The following VPS13A variants were observed in gnomAD, a reference collection of about 807,000 sequenced individuals.
VPS13A encodes the protein vacuolar protein sorting 13 homolog A.
VPS13A carries 264 observed loss-of-function variants against 390.9 expected under a neutral mutation model. The ratio of observed to expected loss-of-function variants is 0.68; its 90% CI spans 0.61 to 0.75. The LOEUF (loss-of-function observed/expected upper bound fraction) is 0.75, where lower values mean the gene tolerates loss of function less well. Among genes scored for constraint, VPS13A ranks in the 30% least tolerant of loss-of-function variants. The pLI is 0.00. For synonymous variants in VPS13A, 1,231 were observed against 1,227.1 expected (o/e 1.00, Z -0.07); for missense variants, 3,409 against 3,733.9 (o/e 0.91, Z 2.27).
At chr9:77,331,155 G>A (rs1386143292) in intron 45 of VPS13A, among the ~76,000 whole-genome samples, 1 of 151,838 alleles carries the variant, frequency 6.6e-6, no homozygotes, top group Admixed American at 6.6e-5. Flanking sequence ...AATGAAAGTG[G>A]TGTGGTGAAC....
Position 77,418,395 on chromosome 9 carries a change from A to G in VPS13A, c.*2389A>G, listed in dbSNP as rs1043966516. 2 of 152,052 alleles carry G rather than the reference A, an allele frequency of 1.3e-5. No individual in the cohort carries two copies. The highest frequency in any genetic ancestry group is 2.4e-5 in the African/African-American group (1 of 41,392). The allele number at this position is 152,052 out of a possible 1,614,324, so 9.4% of individuals were successfully genotyped here. A position where few individuals can be genotyped will look rare whatever the true frequency, so the allele number is the denominator to read the frequency against. On this transcript the variant is annotated 3_prime_UTR_variant, in exon 72 of 72. Coordinates refer to ENST00000360280, the MANE Select transcript of VPS13A (RefSeq NM_033305.3). ...AAGGCAGAGTGCCTGTTCCCTGCCAACTCTCCACCAGAAAATCATAATCAG... is the reference window on the plus strand; with the variant it reads ...AAGGCAGAGTGCCTGTTCCCTGCCAGCTCTCCACCAGAAAATCATAATCAG...
At chr9:77,386,699 A>AT (rs35125170) in intron 68 of VPS13A, among the ~76,000 whole-genome samples, 54,099 of 141,610 alleles carry the variant, frequency 0.38, 10,262 homozygotes, top group South Asian at 0.52. Context: ...TGTGCTCTTT[A>AT]TTTTTTTTTT....
At chr9:77,272,992 T>C (rs996108858) in intron 23 of VPS13A, among the ~76,000 whole-genome samples, 1 of 152,216 alleles carries the variant, frequency 6.6e-6, no homozygotes, top group African/African-American at 2.4e-5. Context: ...CCTGATTTAA[T>C]ACTATGTTGA....
intron 71 of VPS13A, among the ~76,000 whole-genome samples, chr9:77,413,669 A>G (rs1835043037): frequency 6.6e-6 from 1 of 152,234 alleles, no homozygotes; most frequent in Non-Finnish European, 1.5e-5. Context: ...ACCATTCAGG[A>G]CATAGGCATG....
intron 34 of VPS13A, among the ~76,000 whole-genome samples, chr9:77,303,828 T>C (rs909509413): frequency 1.3e-5 from 2 of 152,204 alleles, no homozygotes; most frequent in African/African-American, 4.8e-5. Context: ...TGCAAACATG[T>C]CTCGCCTCCC....
chr9:77,387,521 C>T (rs76015959), intron 68 of VPS13A, among the ~76,000 whole-genome samples: 33 of 152,154 alleles, frequency 2.2e-4, no homozygotes, highest in Middle Eastern at 3.4e-3. Context: ...GTCTACCTGA[C>T]GCTTGAATAA....
At chr9:77,202,566 A>G (rs1232836134) in intron 3 of VPS13A, among the ~76,000 whole-genome samples, 1 of 152,178 alleles carries the variant, frequency 6.6e-6, no homozygotes, top group Non-Finnish European at 1.5e-5. Flanking sequence ...GTACAGAAGT[A>G]TTACAATACA....
intron 20 of VPS13A, among the ~76,000 whole-genome samples, chr9:77,249,194 C>T (rs991004925): frequency 5.3e-5 from 8 of 152,168 alleles, no homozygotes; most frequent in South Asian, 2.1e-4. Flanking sequence ...AACAAAAATA[C>T]GTGCCTGTCC....
At chr9:77,304,843 A>G (rs1446375710) in intron 34 of VPS13A, among the ~76,000 whole-genome samples, 1 of 151,840 alleles carries the variant, frequency 6.6e-6, no homozygotes, top group East Asian at 1.9e-4. Flanking sequence ...TACTTAACAA[A>G]TCCTTCTCCC....
intron 13 of VPS13A, among the ~76,000 whole-genome samples, chr9:77,222,503 T>C (rs1823276536): frequency 6.6e-6 from 1 of 152,196 alleles, no homozygotes; most frequent in African/African-American, 2.4e-5. Flanking sequence ...CTGGGTCTAC[T>C]TGAAATACAG....
At chr9:77,196,679 T>C (rs1310843434) in intron 1 of VPS13A, among the ~76,000 whole-genome samples, 5 of 152,048 alleles carry the variant, frequency 3.3e-5, no homozygotes, top group Non-Finnish European at 7.4e-5. Context: ...TGTTTTGTTT[T>C]TTTTTTTAAA....
intron 66 of VPS13A, 44 bp from the exon 67 acceptor site, chr9:77,370,982 T>C: frequency 1.2e-6 from 2 of 1,614,202 alleles, no homozygotes; most frequent in Non-Finnish European, 1.7e-6. Context: ...TGATTCTGTT[T>C]TCATTCTTGG....
chr9:77,321,276 A>T lies in VPS13A; in HGVS notation c.5523A>T (p.Leu1841Phe). ...TVISFHSKDQLNITLSKCGLV... is the reference protein window; with the variant it reads ...TVISFHSKDQFNITLSKCGLV... ...TCAGTTTCCATTCAAAAGACCAATT[A>T]AACATTACATTATCCAAATGTGGTC... is the stretch of plus-strand genomic sequence containing the variant. Residue 1841 changes from leucine to phenylalanine, a missense_variant, in exon 43 of 72, where the codon TTA (leucine) becomes TTT (phenylalanine). Physicochemically the swap from Leu to Phe is conservative, Grantham distance 22. Coordinates refer to ENST00000360280, the MANE Select transcript of VPS13A (RefSeq NM_033305.3). 1 of 1,610,592 alleles carries T rather than the reference A, an allele frequency of 6.2e-7. No homozygotes were observed. Among genetic ancestry groups the T allele is most frequent in the Non-Finnish European group, 8.5e-7 (1 of 1,177,804 alleles).
intron 32 of VPS13A, 132 bp from the exon 33 acceptor site, chr9:77,295,410 T>G (rs2131375769): frequency 1.4e-6 from 1 of 736,686 alleles, no homozygotes; most frequent in African/African-American, 1.8e-5. Context: ...CAGTAAGATT[T>G]TGAATAAATA....
At chr9:77,222,379 A>C (rs1186068865) in intron 13 of VPS13A, among the ~76,000 whole-genome samples, 1 of 152,142 alleles carries the variant, frequency 6.6e-6, no homozygotes, top group Non-Finnish European at 1.5e-5. Context: ...TCTCAAAAGT[A>C]ATTATGGGTA....
At chr9:77,178,200 C>G in intron 1 of VPS13A, 2 of 231,892 alleles carry the variant, frequency 8.6e-6, no homozygotes, top group Non-Finnish European at 1.7e-5. Context: ...GGTCCCATCC[C>G]TGTCCTTTGC....
At position 77,370,942 on chromosome 9, in the gene VPS13A, A is replaced by T. The variant is rs375621860; in HGVS notation, c.8953+7A>T. 1.2e-6 allele frequency: 2 copies of T among 1,614,096 alleles called. No homozygotes were observed. On this transcript the variant is annotated splice_region_variant and intron_variant, in intron 66 of 71. Transcript: ENST00000360280. ...GTTACAAAACCAATCAAAGGCAAGTATAGTAGTTCCTTTGCAAGTCTTTCT... is the reference window on the plus strand; with the variant it reads ...GTTACAAAACCAATCAAAGGCAAGTTTAGTAGTTCCTTTGCAAGTCTTTCT...
intron 71 of VPS13A, among the ~76,000 whole-genome samples, chr9:77,410,494 G>C (rs1834867297): frequency 6.6e-6 from 1 of 152,028 alleles, no homozygotes; most frequent in African/African-American, 2.4e-5. Context: ...AAAAGACACA[G>C]ACTGGCAAAT....
intron 67 of VPS13A, among the ~76,000 whole-genome samples, chr9:77,371,762 T>G: frequency 6.8e-6 from 1 of 147,590 alleles, no homozygotes. Context: ...ACCCACTAAC[T>G]CGTCATCTAG....
Sources: gnomAD v4.1 joint callset for allele counts (sites outside exome capture counted in the v4.1 genomes callset) on GRCh38, gnomAD v4.1.1 for gene constraint, MANE v1.5 for transcripts, NCBI Gene and HGNC (gene_info 2026-07-23, HGNC 2026-07-21) for gene names.